TIAM2: variants seen among roughly 807,000 people sequenced by gnomAD.
TIAM2 encodes rho guanine nucleotide exchange factor TIAM2.
Under a neutral mutation model 152.9 loss-of-function variants are expected in TIAM2, and 80 were observed. That is an observed-to-expected ratio of 0.52 (90% confidence interval 0.44 to 0.63). TIAM2 has a LOEUF of 0.63. TIAM2 is among the 30% of genes least tolerant of loss of function. The pLI, the probability that TIAM2 is intolerant of heterozygous loss-of-function variation, is 0.00. For missense variants in TIAM2, 1,965 were observed against 2,120.1 expected, an observed-to-expected ratio of 0.93 and a Z score of 1.44; for synonymous variants, 804 against 838.0, an observed-to-expected ratio of 0.96 and a Z score of 0.70.
At chr6:155,130,445 G>T (rs1207012702) in intron 4 of TIAM2, 28 bp downstream of exon 4, 1 of 1,581,944 alleles carries the variant, frequency 6.3e-7, no homozygotes, top group South Asian at 1.2e-5. Flanking sequence ...CAGAGGGAAG[G>T]GTCCCCACAG....
chr6:155,143,123 C>T (rs1347205447), intron 5 of TIAM2, among the ~76,000 whole-genome samples: 1 of 152,056 alleles, frequency 6.6e-6, no homozygotes, highest in East Asian at 1.9e-4. Flanking sequence ...TGCGAAGCAC[C>T]CAGATGGTGG....
chr6:155,099,246 G>A (rs1192559693), intron 2 of TIAM2, among the ~76,000 whole-genome samples: 3 of 151,654 alleles, frequency 2.0e-5, no homozygotes, highest in Non-Finnish European at 4.4e-5. Context: ...GTGTGTGTGT[G>A]TGTGTGTGTG....
At chr6:155,175,205 G>T (rs11961049) in intron 9 of TIAM2, among the ~76,000 whole-genome samples, 1 of 152,078 alleles carries the variant, frequency 6.6e-6, no homozygotes, top group Non-Finnish European at 1.5e-5. Context: ...TACTGAAAGC[G>T]ACAGATCCAA....
At chr6:155,088,339 C>A (rs961632618) in intron 1 of TIAM2, among the ~76,000 whole-genome samples, 2 of 152,118 alleles carry the variant, frequency 1.3e-5, no homozygotes, top group African/African-American at 2.4e-5. Context: ...CCTCGGCCTC[C>A]CAAAGTGCTG....
intron 15 of TIAM2, among the ~76,000 whole-genome samples, chr6:155,217,850 C>T (rs1248481505): frequency 1.3e-5 from 2 of 152,160 alleles, no homozygotes; most frequent in African/African-American, 2.4e-5. Flanking sequence ...AAAAAAAGAA[C>T]GTGCACTAGT....
At chr6:155,104,242 G>T (rs572709781) in intron 2 of TIAM2, among the ~76,000 whole-genome samples, 33 of 152,124 alleles carry the variant, frequency 2.2e-4, no homozygotes, top group African/African-American at 7.2e-4. Context: ...TAAGGTCTCT[G>T]TTTCTTTATC....
rs111569551 is a variant in TIAM2, at chr6:155,251,009, C to T, written c.4048C>T (p.Leu1350Phe). 4 of 1,613,974 alleles carry T rather than the reference C, an allele frequency of 2.5e-6. No homozygotes were observed. Among genetic ancestry groups the T allele is most frequent in the Non-Finnish European group, 3.4e-6 (4 of 1,179,890 alleles). The change falls in exon 22 of 27, where the codon CTC (leucine) becomes TTC (phenylalanine). Residue 1350 changes from leucine (L) to phenylalanine (F), a missense_variant. This residue lies in a region of TIAM2 where 935 missense variants were observed against 980.0 expected (regional missense o/e 0.95). Coordinates refer to ENST00000682666, the MANE Select transcript of TIAM2 (RefSeq NM_012454.4). The part of the protein sequence containing the change: ...SLGKARKDLE[L>F]TVFVFKRAVI... ...AGGAAAAGCTAGAAAGGACCTTGAG[C>T]TCACAGTATTTGGTTAGTATTCCAT...
intron 1 of TIAM2, among the ~76,000 whole-genome samples, chr6:155,048,563 G>T (rs893133020): frequency 8.6e-6 from 1 of 116,016 alleles, no homozygotes; most frequent in Non-Finnish European, 2.1e-5. Context: ...GAGAATGGGG[G>T]TCAGGGGTGT....
At chr6:155,193,435 A>C (rs536062214) in intron 14 of TIAM2, among the ~76,000 whole-genome samples, 3 of 152,300 alleles carry the variant, frequency 2.0e-5, no homozygotes, top group African/African-American at 7.2e-5. Flanking sequence ...ATCTCATTGG[A>C]AAAGTATTGG....
intron 15 of TIAM2, among the ~76,000 whole-genome samples, chr6:155,234,873 G>A (rs1782665536): frequency 1.3e-5 from 2 of 152,226 alleles, no homozygotes; most frequent in Admixed American, 1.3e-4. Flanking sequence ...CTGACCACAT[G>A]GGAGGCAGAG....
Position 155,129,822 on chromosome 6 carries a change from A to ACT in TIAM2, c.601_602dup (p.Pro202HisfsTer4). On this transcript the variant is annotated frameshift_variant, in exon 4 of 27. Coordinates refer to ENST00000682666, the MANE Select transcript of TIAM2 (RefSeq NM_012454.4). LOFTEE classifies it high-confidence loss of function. The surrounding 1 kb of genome is among the most constrained non-coding windows in gnomAD (Gnocchi z 4.8). The stretch of plus-strand genomic sequence containing the variant: ...AGTGAGCCGGTGCAGCTGCTGAGGT[A>ACT]CTCACCTACCTTAGCATCGGAAACC... The ACT allele has an allele frequency of 6.2e-7, 1 of 1,613,550 alleles. No homozygotes were observed. The highest frequency in any genetic ancestry group is 8.5e-7 in the Non-Finnish European group (1 of 1,179,998).
intron 7 of TIAM2, among the ~76,000 whole-genome samples, chr6:155,151,839 C>CTTTTTTTTTTTTTTTTTTTT (rs1340815695): frequency 1.2e-5 from 1 of 81,362 alleles, no homozygotes. Context: ...TTTTTTTTTT[C>CTTTTTTTTTTTTTTTTTTTT]TTTTTTTTTC....
intron 2 of TIAM2, among the ~76,000 whole-genome samples, chr6:155,108,372 C>T (rs372566210): frequency 1.5e-3 from 225 of 152,216 alleles, no homozygotes; most frequent in Non-Finnish European, 2.7e-3. Context: ...CTAAAAAATG[C>T]GGCTCTGACA....
chr6:155,231,768 C>T (rs1782487221), intron 15 of TIAM2, among the ~76,000 whole-genome samples: 1 of 152,252 alleles, frequency 6.6e-6, no homozygotes, highest in Non-Finnish European at 1.5e-5. Context: ...GTGCAGGATC[C>T]ACCTCCACTC....
At chr6:155,203,040 C>A in intron 14 of TIAM2, among the ~76,000 whole-genome samples, 1 of 74,504 alleles carries the variant, frequency 1.3e-5, no homozygotes, top group African/African-American at 1.2e-4. Flanking sequence ...CAGAGCAAAA[C>A]TCTGTCTCAA....
At position 155,137,549 on chromosome 6, in the gene TIAM2, A is replaced by C. The variant is rs1562328653; in HGVS notation, c.1567A>C (p.Lys523Gln). Residue 523 changes from lysine to glutamine, a missense_variant, in exon 5 of 27, where the codon AAG becomes CAG. Transcript: ENST00000682666. ...CTTCAAGCCCCTGGTCACTGTGCAG[A>C]AGGAAAGGAAGCTTGAGCTGGTGGC... ...LFFKPLVTVQ[K>Q]ERKLELVARR... The C allele has an allele frequency of 6.2e-7, 1 of 1,612,886 alleles. No homozygotes were observed. The highest frequency in any genetic ancestry group is 1.7e-5 in the Admixed American group (1 of 59,970).
chr6:155,049,219 T>A (rs1777269639), intron 1 of TIAM2, among the ~76,000 whole-genome samples: 1 of 152,080 alleles, frequency 6.6e-6, no homozygotes, highest in Non-Finnish European at 1.5e-5. Context: ...CCTTTTATCA[T>A]GTGACCTCCA....
chr6:155,110,105 C>T (rs139170716), intron 2 of TIAM2, among the ~76,000 whole-genome samples: 279 of 151,944 alleles, frequency 1.8e-3, no homozygotes, highest in African/African-American at 6.1e-3. Flanking sequence ...ACTGCCACTA[C>T]GCCCGGCTAA....
intron 1 of TIAM2, among the ~76,000 whole-genome samples, chr6:155,060,677 C>T (rs895625610): frequency 1.3e-5 from 2 of 152,100 alleles, no homozygotes; most frequent in Non-Finnish European, 1.5e-5. Context: ...GGGTGGATCA[C>T]ATGAGGTCAG....
Sources: allele counts gnomAD v4.1 joint callset (sites outside exome capture counted in the v4.1 genomes callset), GRCh38; gene constraint gnomAD v4.1.1; regional missense constraint gnomAD v4.1.1; non-coding constraint Gnocchi (gnomAD v3.1); transcripts MANE v1.5; gene names NCBI Gene and HGNC (gene_info 2026-07-23, HGNC 2026-07-21).